RHBDD1: variants seen among roughly 807,000 people sequenced by gnomAD.
RHBDD1 encodes rhomboid domain containing 1.
In RHBDD1, 38 loss-of-function variants were observed where a neutral mutation model predicts 36.3. The ratio of observed to expected loss-of-function variants is 1.05; its 90% CI spans 0.81 to 1.37. The LOEUF (loss-of-function observed/expected upper bound fraction) is 1.37. Among genes scored for constraint, RHBDD1 ranks in the 40% most tolerant of loss-of-function variants. RHBDD1 has a pLI of 0.00. For synonymous variants in RHBDD1, 151 were observed against 136.5 expected (o/e 1.11, Z -0.74); for missense variants, 393 against 377.6 (o/e 1.04, Z -0.34).
chr2:226,901,405 A>G (rs1947581684), intron 5 of RHBDD1, among the ~76,000 whole-genome samples: 1 of 152,334 alleles, frequency 6.6e-6, no homozygotes, highest in Non-Finnish European at 1.5e-5. Context: ...ATGCAGAAGT[A>G]GAATTGCTGG....
intron 3 of RHBDD1, among the ~76,000 whole-genome samples, chr2:226,847,197 T>C (rs1014628391): frequency 6.6e-5 from 10 of 152,216 alleles, no homozygotes; most frequent in Non-Finnish European, 1.2e-4. Context: ...ACAAGTTGCA[T>C]TTGAGCAAAT....
chr2:226,970,706 T>C (rs1354040061), intron 8 of RHBDD1, among the ~76,000 whole-genome samples: 3 of 152,246 alleles, frequency 2.0e-5, no homozygotes, highest in African/African-American at 7.2e-5. Context: ...TTTTCCAATG[T>C]ACTTTTTTTA....
At chr2:226,938,440 AT>A (rs1950481530) in intron 8 of RHBDD1, among the ~76,000 whole-genome samples, 1 of 152,082 alleles carries the variant, frequency 6.6e-6, no homozygotes, top group African/African-American at 2.4e-5. Flanking sequence ...GATAAGGGGG[AT>A]ATTGCCACTG....
At chr2:226,961,855 T>C (rs1046506963) in intron 8 of RHBDD1, among the ~76,000 whole-genome samples, 20 of 152,200 alleles carry the variant, frequency 1.3e-4, no homozygotes, top group African/African-American at 4.6e-4. Context: ...GTTCTATTGC[T>C]GTCTCCATTT....
intron 3 of RHBDD1, 39 bp from the exon 4 acceptor site, chr2:226,864,565 T>C (rs1469934975): frequency 1.3e-6 from 1 of 745,288 alleles, no homozygotes; most frequent in Non-Finnish European, 2.3e-6. Context: ...ATGTACTAAT[T>C]CTTAATTGAT....
At chr2:226,959,233 C>T (rs563465434) in intron 8 of RHBDD1, among the ~76,000 whole-genome samples, 4 of 151,896 alleles carry the variant, frequency 2.6e-5, no homozygotes, top group Non-Finnish European at 4.4e-5. Flanking sequence ...AAGAAGGCAC[C>T]GTATAACACG....
At chr2:226,883,175 G>A (rs369511274) in intron 5 of RHBDD1, among the ~76,000 whole-genome samples, 58 of 152,246 alleles carry the variant, frequency 3.8e-4, no homozygotes, top group African/African-American at 1.3e-3. Flanking sequence ...GAACATCTGC[G>A]TGTATTAACA....
In RHBDD1 at chr2:226,952,283, T is replaced by G. The variant is rs79946602; in HGVS notation, c.856+37932T>G. ...GGTGCTTCCTGTTTTTTTTGTTTTG[T>G]TTTGGTTTGGTTTTTTTTTTTTTTT... On this transcript the variant is annotated intron_variant, in intron 8 of 8. Transcript: ENST00000392062. 7.1e-3 allele frequency among the ~76,000 whole-genome samples: 1,019 copies of G among 144,172 alleles called. 17 individuals are homozygous for G. Among genetic ancestry groups the G allele is most frequent in the African/African-American group, 0.023 (899 of 39,066 alleles). 94.6% of individuals were successfully genotyped at this position (144,172 alleles called of 152,430 possible). A position where few individuals can be genotyped will look rare whatever the true frequency, so the allele number is the denominator to read the frequency against.
intron 8 of RHBDD1, among the ~76,000 whole-genome samples, chr2:226,982,074 TC>T (rs1239414460): frequency 2.0e-5 from 3 of 152,096 alleles, no homozygotes; most frequent in Admixed American, 1.3e-4. Flanking sequence ...ATTTTCAACT[TC>T]CCCCCGCCCT....
chr2:226,851,072 G>A (rs1035979888), intron 3 of RHBDD1, among the ~76,000 whole-genome samples: 2 of 152,076 alleles, frequency 1.3e-5, no homozygotes, highest in Non-Finnish European at 2.9e-5. Flanking sequence ...TTTTCTCTGA[G>A]CCTAATAACT....
In RHBDD1 at chr2:226,848,609, G is replaced by A. The variant is rs142386903; in HGVS notation, c.-91+8982G>A. ...CCACTCTGAAATCTGAAAGGCTCAT[G>A]TAAAGAATCAGCCAAGATCAGCTTA... is the stretch of plus-strand genomic sequence containing the variant. On this transcript the variant is annotated intron_variant, in intron 3 of 8. Transcript: ENST00000392062. Among the ~76,000 whole-genome samples the A allele has an allele frequency of 2.1e-3, 315 of 152,294 alleles. 4 individuals are homozygous for A. Among genetic ancestry groups the A allele is most frequent in the African/African-American group, 7.3e-3 (302 of 41,566 alleles).
intron 3 of RHBDD1, among the ~76,000 whole-genome samples, 183 bp from the exon 4 acceptor site, chr2:226,864,421 T>C (rs1944141301): frequency 6.6e-6 from 1 of 152,182 alleles, no homozygotes; most frequent in Admixed American, 6.5e-5. Flanking sequence ...TATTCTAGAA[T>C]GTAAAATGAA....
Position 226,914,360 on chromosome 2 carries a change from C to G in RHBDD1, c.856+9C>G, listed in dbSNP as rs200491448. On this transcript the variant is annotated intron_variant, in intron 8 of 8. Coordinates refer to ENST00000392062, the MANE Select transcript of RHBDD1 (RefSeq NM_001167608.3). Reference sequence around the variant, plus strand: ...CAGCCTCTGGGACCGAGGTAGGAGTCTTGCGCCCTTCAGTTATTTTAAAGC... The same window carrying G: ...CAGCCTCTGGGACCGAGGTAGGAGTGTTGCGCCCTTCAGTTATTTTAAAGC... The G allele has an allele frequency of 1.0e-4, 167 of 1,608,914 alleles. No homozygotes were observed. In the Admixed American group the frequency reaches 2.6e-3, roughly 25 times the overall value.
chr2:226,953,827 C>T (rs184308932), intron 8 of RHBDD1, among the ~76,000 whole-genome samples: 1 of 152,190 alleles, frequency 6.6e-6, no homozygotes, highest in Admixed American at 6.5e-5. Context: ...TTTGGTGATG[C>T]GTTCTTAAGA....
In RHBDD1 at chr2:226,947,279, A is replaced by T. The variant is rs551725768; in HGVS notation, c.856+32928A>T. ...TAATCCATCTTGAATTGATTTTTGTATAAGGTGTAAGGAAGGGATCCAGTT... is the reference window on the plus strand; with the variant it reads ...TAATCCATCTTGAATTGATTTTTGTTTAAGGTGTAAGGAAGGGATCCAGTT... On this transcript the variant is annotated intron_variant, in intron 8 of 8. Coordinates refer to ENST00000392062, the MANE Select transcript of RHBDD1 (RefSeq NM_001167608.3). 2.7e-4 allele frequency among the ~76,000 whole-genome samples: 41 copies of T among 151,640 alleles called. No homozygotes were observed. In the East Asian group the frequency reaches 7.5e-3, roughly 28 times the overall value.
chr2:226,933,077 G>A (rs1254197799), intron 8 of RHBDD1, among the ~76,000 whole-genome samples: 2 of 152,036 alleles, frequency 1.3e-5, no homozygotes, highest in African/African-American at 4.8e-5. Flanking sequence ...AAATGCCAGA[G>A]GCTTATAAAA....
intron 8 of RHBDD1, among the ~76,000 whole-genome samples, chr2:226,978,099 T>G (rs1235112656): frequency 6.6e-6 from 1 of 152,244 alleles, no homozygotes; most frequent in Non-Finnish European, 1.5e-5. Flanking sequence ...GAGATAATTA[T>G]CTGAAAACAG....
At chr2:226,985,555 G>A (rs915041002) in intron 8 of RHBDD1, among the ~76,000 whole-genome samples, 4 of 152,198 alleles carry the variant, frequency 2.6e-5, no homozygotes, top group African/African-American at 9.7e-5. Flanking sequence ...AATGAAACTC[G>A]GGTGGATATG....
chr2:226,802,652 C>G, the RHBDD1 span, among the ~76,000 whole-genome samples: 1 of 152,174 alleles, frequency 6.6e-6, no homozygotes, highest in African/African-American at 2.4e-5. Context: ...TGAAAATTCA[C>G]GGAACAGAAG....
Sources: allele counts gnomAD v4.1 joint callset (sites outside exome capture counted in the v4.1 genomes callset), GRCh38; gene constraint gnomAD v4.1.1; transcripts MANE v1.5; gene names NCBI Gene and HGNC (gene_info 2026-07-23, HGNC 2026-07-21).